The following DSCAM variants were observed in gnomAD, a reference collection of about 807,000 sequenced individuals.
DSCAM encodes DS cell adhesion molecule, also known as cell adhesion molecule DSCAM.
A neutral mutation model predicts 217.7 loss-of-function variants in DSCAM; 47 were observed. That is an observed-to-expected ratio of 0.22 (90% CI 0.17 to 0.28). The LOEUF (loss-of-function observed/expected upper bound fraction) is 0.28. DSCAM is among the 10% of genes least tolerant of loss of function. The pLI is 1.00. For missense variants in DSCAM, 2,080 were observed against 2,618.3 expected (o/e 0.79, Z 4.49); for synonymous variants, 1,056 against 1,015.3 (o/e 1.04, Z -0.76).
chr21:40,266,306 C>A (rs537628130), intron 11 of DSCAM, among the ~76,000 whole-genome samples: 1 of 152,014 alleles, frequency 6.6e-6, no homozygotes, highest in Non-Finnish European at 1.5e-5. Flanking sequence ...TGAGATACGA[C>A]CTTCCCCTAG....
rs139503472 is a variant in DSCAM, at chr21:40,690,598, T to A, written c.508+2212A>T. ...CCAGTATCTGACTGAGGAGAGGACA[T>A]GGGCTTTAACAGTTCCTATCAGAGG... On this transcript the variant is annotated intron_variant, in intron 3 of 32. Transcript: ENST00000400454. Among the ~76,000 whole-genome samples the A allele has an allele frequency of 3.3e-5, 5 of 152,330 alleles. No homozygotes were observed. In the East Asian group the frequency reaches 7.7e-4, roughly 24 times the overall value.
chr21:40,641,726 A>G (rs982631651), intron 3 of DSCAM, among the ~76,000 whole-genome samples: 11 of 152,162 alleles, frequency 7.2e-5, no homozygotes, highest in African/African-American at 2.2e-4. Context: ...TGACATGGAG[A>G]GCCTTACTAC....
chr21:40,322,503 T>G (rs1252165990), intron 8 of DSCAM, among the ~76,000 whole-genome samples: 1 of 146,826 alleles, frequency 6.8e-6, no homozygotes, highest in East Asian at 2.0e-4. Context: ...ACTCATGTCA[T>G]TATAGAAAGC....
chr21:40,195,987 T>G (rs1023968143), intron 11 of DSCAM, among the ~76,000 whole-genome samples: 8 of 152,236 alleles, frequency 5.3e-5, no homozygotes, highest in Non-Finnish European at 1.0e-4. Flanking sequence ...TGAATACATT[T>G]TTTTTATTAT....
intron 3 of DSCAM, among the ~76,000 whole-genome samples, chr21:40,671,344 G>T (rs2090271024): frequency 6.6e-6 from 1 of 152,182 alleles, no homozygotes; most frequent in African/African-American, 2.4e-5. Flanking sequence ...AAGGCGAACA[G>T]ACTAGCCTGA....
intron 11 of DSCAM, among the ~76,000 whole-genome samples, chr21:40,195,360 C>A (rs1350796605): frequency 6.6e-6 from 1 of 152,048 alleles, no homozygotes; most frequent in Non-Finnish European, 1.5e-5. Context: ...AAGAAAACAA[C>A]TGAAAAGAAA....
At chr21:40,494,820 T>A in intron 3 of DSCAM, among the ~76,000 whole-genome samples, 1 of 144,032 alleles carries the variant, frequency 6.9e-6, no homozygotes. Flanking sequence ...AAAACTAAAG[T>A]TGGGTTTTTT....
chr21:40,019,317 A>C (rs529747525), intron 32 of DSCAM, among the ~76,000 whole-genome samples: 2 of 152,318 alleles, frequency 1.3e-5, no homozygotes, highest in African/African-American at 4.8e-5. Flanking sequence ...CATGGGAGAA[A>C]CCAGCCCTTG....
chr21:40,057,850 A>G (rs55829837), intron 28 of DSCAM, among the ~76,000 whole-genome samples: 6,744 of 147,320 alleles, frequency 0.046, 301 homozygotes, highest in African/African-American at 0.11. Context: ...GAGTGCAGTG[A>G]TGCAATCACA....
chr21:40,568,818 T>C (rs925305613), intron 3 of DSCAM, among the ~76,000 whole-genome samples: 7 of 152,094 alleles, frequency 4.6e-5, no homozygotes, highest in Non-Finnish European at 8.8e-5. Flanking sequence ...AGGAGCTCAC[T>C]CAGGGCAGGC....
intron 3 of DSCAM, chr21:40,385,401 A>G (rs1173711158): frequency 6.6e-6 from 1 of 152,212 alleles, no homozygotes; most frequent in Non-Finnish European, 1.5e-5. Flanking sequence ...CCTAGAACAC[A>G]TACAGAGTAG....
chr21:40,403,657 AC>A (rs1569106349), intron 3 of DSCAM, among the ~76,000 whole-genome samples: 6 of 150,994 alleles, frequency 4.0e-5, no homozygotes, highest in African/African-American at 1.5e-4. Flanking sequence ...ACACACACAC[AC>A]ACACAATACA....
intron 3 of DSCAM, among the ~76,000 whole-genome samples, chr21:40,439,476 T>C (rs1173031914): frequency 6.6e-6 from 1 of 152,152 alleles, no homozygotes; most frequent in Non-Finnish European, 1.5e-5. Flanking sequence ...TTCAGATGTT[T>C]GAACAGAAAG....
At chr21:40,490,349 TA>T (rs1555845053) in intron 3 of DSCAM, among the ~76,000 whole-genome samples, 3 of 152,236 alleles carry the variant, frequency 2.0e-5, no homozygotes, top group Non-Finnish European at 4.4e-5. Flanking sequence ...AGTATTTTTT[TA>T]AAAAAATGGA....
intron 24 of DSCAM, among the ~76,000 whole-genome samples, chr21:40,081,317 T>C (rs2089452684): frequency 8.8e-6 from 1 of 114,118 alleles, no homozygotes; most frequent in Non-Finnish European, 1.8e-5. Context: ...TTAATAAAAA[T>C]AAAGCATTTT....
At chr21:40,803,004 A>G (rs1306568020) in intron 1 of DSCAM, among the ~76,000 whole-genome samples, 1 of 152,166 alleles carries the variant, frequency 6.6e-6, no homozygotes, top group East Asian at 1.9e-4. Context: ...TTATGGCAGC[A>G]CTTTGGTCTG....
intron 1 of DSCAM, among the ~76,000 whole-genome samples, chr21:40,809,837 C>G (rs1160517627): frequency 6.6e-6 from 1 of 152,248 alleles, no homozygotes. Flanking sequence ...CCCAGATGGC[C>G]CTTGCACGTG....
intron 3 of DSCAM, among the ~76,000 whole-genome samples, chr21:40,563,460 AATAT>A (rs964966810): frequency 3.4e-5 from 5 of 147,194 alleles, no homozygotes; most frequent in Non-Finnish European, 7.5e-5. Context: ...TATATTTTGA[AATAT>A]ATATATATAT....
chr21:40,539,817 C>G (rs570223098), intron 3 of DSCAM, among the ~76,000 whole-genome samples: 5 of 152,148 alleles, frequency 3.3e-5, no homozygotes, highest in Non-Finnish European at 7.4e-5. Context: ...AGCATAGTCT[C>G]TATATGCAGA....
Sources: allele counts gnomAD v4.1 joint callset (sites outside exome capture counted in the v4.1 genomes callset), GRCh38; gene constraint gnomAD v4.1.1; transcripts MANE v1.5; gene names NCBI Gene and HGNC (gene_info 2026-07-23, HGNC 2026-07-21).